ANOS1: variants seen among roughly 807,000 people sequenced by gnomAD.
The protein encoded by ANOS1 is anosmin 1, also known as anosmin-1.
A neutral mutation model predicts 59.0 loss-of-function variants in ANOS1; 6 were observed. That is an observed-to-expected ratio of 0.10 (90% CI 0.06 to 0.20). The LOEUF is 0.20. Ranked by LOEUF, ANOS1 falls within the 10% of genes least tolerant of loss-of-function variation. The probability of loss-of-function intolerance (pLI) is 1.00; values close to 1 mark genes in which losing one functional copy is unlikely to be tolerated. For synonymous variants in ANOS1, 217 were observed against 223.4 expected (o/e 0.97, Z 0.25); for missense variants, 433 against 542.3 (o/e 0.80, Z 2.00).
chrX:8,608,451 A>T (rs1930981490), intron 3 of ANOS1, among the ~76,000 whole-genome samples: 1 of 111,686 alleles, frequency 9.0e-6, no homozygotes, highest in Non-Finnish European at 1.9e-5. Context: ...CATTTTGCAA[A>T]CACTGTCAAA....
chrX:8,697,721 C>T (rs899544654), intron 2 of ANOS1, among the ~76,000 whole-genome samples: 8 of 112,184 alleles, frequency 7.1e-5, no homozygotes, highest in East Asian at 5.6e-4. Flanking sequence ...AGTTTTCTGA[C>T]TTTTCTCTCC....
chrX:8,614,703 C>T lies in ANOS1; in HGVS notation c.318+8905G>A, dbSNP rs923803991. On this transcript the variant is annotated intron_variant, in intron 3 of 13. Coordinates refer to ENST00000262648, the MANE Select transcript of ANOS1 (RefSeq NM_000216.4). Reference sequence around the variant, plus strand: ...TAGTGCTTTTGCAATTTTCATGATACTCCCCTAACTCCTTATGTGCCTATT... The same window carrying T: ...TAGTGCTTTTGCAATTTTCATGATATTCCCCTAACTCCTTATGTGCCTATT... Among the ~76,000 whole-genome samples the T allele has an allele frequency of 3.6e-5, 4 of 109,710 alleles. No individual in the cohort carries two copies. The East Asian group carries it at 1.1e-3, about 31-fold the overall frequency.
rs1931854835 is a variant in ANOS1, at chrX:8,651,788, GT to G, written c.256-28119del. 5.3e-5 allele frequency among the ~76,000 whole-genome samples: 6 copies of G among 112,171 alleles called. No homozygotes were observed. In the South Asian group the frequency reaches 2.2e-3, roughly 42 times the overall value. On this transcript the variant is annotated intron_variant, in intron 2 of 13. Coordinates refer to ENST00000262648, the MANE Select transcript of ANOS1 (RefSeq NM_000216.4). ...CTGACATTTCATTTACTTTCCTAAA[GT>G]TTCAGCCACAATTAGTGATCAAAGA...
At chrX:8,571,086 T>C (rs1422790670) in intron 6 of ANOS1, among the ~76,000 whole-genome samples, 1 of 97,571 alleles carries the variant, frequency 1.0e-5, no homozygotes, top group Non-Finnish European at 2.0e-5. Flanking sequence ...CATACCAGCC[T>C]GCGCAAGAGA....
At chrX:8,691,991 T>C (rs1482436252) in intron 2 of ANOS1, among the ~76,000 whole-genome samples, 1 of 112,036 alleles carries the variant, frequency 8.9e-6, no homozygotes, top group African/African-American at 3.2e-5. Flanking sequence ...TTAAATATTT[T>C]AAGATATGTC....
intron 1 of ANOS1, among the ~76,000 whole-genome samples, chrX:8,725,943 A>AG (rs1932916480): frequency 9.1e-6 from 1 of 110,139 alleles, no homozygotes; most frequent in Non-Finnish European, 1.9e-5. Context: ...GGTCAAATTC[A>AG]GAACGTGTTA....
At chrX:8,616,041 T>C (rs972685987) in intron 3 of ANOS1, among the ~76,000 whole-genome samples, 1 of 85,806 alleles carries the variant, frequency 1.2e-5, no homozygotes, top group African/African-American at 4.3e-5. Context: ...GCGCCCCTGA[T>C]CACTTTTTTT....
At chrX:8,682,598 T>C (rs1310232022) in intron 2 of ANOS1, among the ~76,000 whole-genome samples, 1 of 111,320 alleles carries the variant, frequency 9.0e-6, no homozygotes, top group African/African-American at 3.3e-5. Flanking sequence ...CAAGATCACA[T>C]AGCCCCTAAG....
intron 9 of ANOS1, among the ~76,000 whole-genome samples, chrX:8,552,034 A>T (rs1263736272): frequency 8.9e-6 from 1 of 112,586 alleles, no homozygotes; most frequent in Non-Finnish European, 1.9e-5. Flanking sequence ...AGGACAGAGT[A>T]GCTAAAGAGT....
intron 2 of ANOS1, among the ~76,000 whole-genome samples, chrX:8,696,975 T>C (rs1932693349): frequency 8.9e-6 from 1 of 112,483 alleles, no homozygotes. Context: ...GATTCCATTA[T>C]GTGGAACCCA....
At chrX:8,648,331 G>C (rs1931793363) in intron 2 of ANOS1, among the ~76,000 whole-genome samples, 1 of 109,835 alleles carries the variant, frequency 9.1e-6, no homozygotes, top group South Asian at 3.9e-4. Flanking sequence ...CATGGTGGTG[G>C]GTGCTTGTAA....
chrX:8,725,030 C>T, intron 1 of ANOS1, among the ~76,000 whole-genome samples: 1 of 111,801 alleles, frequency 8.9e-6, no homozygotes. Flanking sequence ...CTTCAGAACC[C>T]TAAGGCTCTG....
chrX:8,551,111 C>T (rs1203063574), intron 9 of ANOS1, among the ~76,000 whole-genome samples: 6 of 111,713 alleles, frequency 5.4e-5, no homozygotes, highest in Non-Finnish European at 1.1e-4. Flanking sequence ...ATTGTGAGGT[C>T]TCCCCAGCCA....
chrX:8,604,699 A>G (rs753608855), intron 3 of ANOS1, among the ~76,000 whole-genome samples: 2 of 112,243 alleles, frequency 1.8e-5, no homozygotes, highest in African/African-American at 6.5e-5. Flanking sequence ...ACTCCAAACT[A>G]TAATCCAGGG....
At chrX:8,537,128 C>T (rs1929608795) in intron 10 of ANOS1, among the ~76,000 whole-genome samples, 186 bp from the exon 11 acceptor site, 1 of 111,797 alleles carries the variant, frequency 8.9e-6, no homozygotes, top group African/African-American at 3.3e-5. Flanking sequence ...TTGTGAAACA[C>T]TCCCATGGCT....
At chrX:8,730,546 C>G (rs930034540) in intron 1 of ANOS1, among the ~76,000 whole-genome samples, 26 of 110,921 alleles carry the variant, frequency 2.3e-4, no homozygotes, top group Admixed American at 8.6e-4. Context: ...ATATGGCCTC[C>G]TCTGGCAGCT....
At chrX:8,663,824 A>G (rs756347321) in intron 2 of ANOS1, among the ~76,000 whole-genome samples, 20 of 112,216 alleles carry the variant, frequency 1.8e-4, no homozygotes, top group African/African-American at 6.5e-4. Flanking sequence ...ATGCCCATCA[A>G]TGATAAACTG....
intron 6 of ANOS1, among the ~76,000 whole-genome samples, chrX:8,581,756 A>T (rs1384087070): frequency 8.9e-6 from 1 of 111,867 alleles, no homozygotes; most frequent in Non-Finnish European, 1.9e-5. Context: ...AAATGTCTTT[A>T]ACAACTTTTT....
intron 1 of ANOS1, among the ~76,000 whole-genome samples, chrX:8,725,583 TATATATATACAG>T (rs1932907117): frequency 1.8e-5 from 1 of 55,692 alleles, no homozygotes; most frequent in African/African-American, 8.1e-5. Flanking sequence ...TATATACAGA[TATATATATACAG>T]ATATATATAT....
Sources: allele counts gnomAD v4.1 joint callset (sites outside exome capture counted in the v4.1 genomes callset), GRCh38; gene constraint gnomAD v4.1.1; transcripts MANE v1.5; gene names NCBI Gene and HGNC (gene_info 2026-07-23, HGNC 2026-07-21).